Variants in CELF2 observed in about 807,000 individuals in gnomAD.
CELF2 encodes the protein CUG triplet repeat RNA-binding protein 2.
In CELF2, 8 loss-of-function variants were observed where a neutral mutation model predicts 62.6. That is an observed-to-expected ratio of 0.13 (90% CI 0.07 to 0.23). CELF2 has a LOEUF of 0.23. CELF2 is among the 10% of genes least tolerant of loss of function. The probability of loss-of-function intolerance (pLI) is 1.00; values close to 1 mark genes in which losing one functional copy is unlikely to be tolerated. For missense variants in CELF2, 333 were observed against 671.0 expected (o/e 0.50, Z 5.56); for synonymous variants, 258 against 250.0 (o/e 1.03, Z -0.30).
rs73579351 is a variant in CELF2, at chr10:11,228,471, T to C, written c.354+10964T>C. Reference sequence around the variant, plus strand: ...CTTTAATGATACATCAGTGAGTATCTTTTATGGGTAATAATCTACCTATTT... The same window carrying C: ...CTTTAATGATACATCAGTGAGTATCCTTTATGGGTAATAATCTACCTATTT... On this transcript the variant is annotated intron_variant, in intron 3 of 12. Transcript: ENST00000633077. Among the ~76,000 whole-genome samples the C allele has an allele frequency of 3.9e-3, 594 of 152,332 alleles. 7 individuals carry two copies. Among genetic ancestry groups the C allele is most frequent in the African/African-American group, 0.014 (571 of 41,574 alleles).
the CELF2 span, among the ~76,000 whole-genome samples, chr10:10,602,268 G>T: frequency 6.6e-6 from 1 of 152,020 alleles, no homozygotes; most frequent in Non-Finnish European, 1.5e-5. Flanking sequence ...ACTGAGATAG[G>T]CTGTGTACCT....
rs2088007940 is a variant in CELF2, at chr10:11,280,491, G to C, written c.841+5371G>C. Among the ~76,000 whole-genome samples, 1 of 152,216 alleles carries C rather than the reference G, an allele frequency of 6.6e-6. No individual in the cohort carries two copies. The highest frequency in any genetic ancestry group is 1.5e-5 in the Non-Finnish European group (1 of 68,038). Reference sequence around the variant, plus strand: ...CCACGTTCCGGGTGATGGCGCTGTGGCTGTGGATCCATCTGTGGTGGGAGG... The same window carrying C: ...CCACGTTCCGGGTGATGGCGCTGTGCCTGTGGATCCATCTGTGGTGGGAGG... On this transcript the variant is annotated intron_variant, in intron 8 of 12. Coordinates refer to ENST00000633077, the MANE Select transcript of CELF2 (RefSeq NM_001326342.2). This position sits in a 1 kb window ranked among gnomAD's most constrained non-coding sequence, Gnocchi z 7.6.
At chr10:10,755,669 CAT>C in the CELF2 span, among the ~76,000 whole-genome samples, 1 of 152,214 alleles carries the variant, frequency 6.6e-6, no homozygotes, top group South Asian at 2.1e-4. Context: ...AAAAGACCCT[CAT>C]GTGATGGCCA....
chr10:10,968,090 G>C (rs1026107158), intron 2 of CELF2, among the ~76,000 whole-genome samples: 4 of 152,122 alleles, frequency 2.6e-5, no homozygotes, highest in Non-Finnish European at 5.9e-5. Context: ...GAACTGTCTA[G>C]TCCTCACTTT....
intron 1 of CELF2, among the ~76,000 whole-genome samples, chr10:11,064,643 C>A (rs921670732): frequency 6.6e-6 from 1 of 152,076 alleles, no homozygotes; most frequent in Non-Finnish European, 1.5e-5. Context: ...ATGTCTCAAT[C>A]CCCTTTTGCT....
chr10:10,967,635 T>C (rs1330758265), intron 2 of CELF2, among the ~76,000 whole-genome samples: 1 of 152,138 alleles, frequency 6.6e-6, no homozygotes, highest in African/African-American at 2.4e-5. Context: ...CTAAGAAACA[T>C]ACAGCAAGGC....
Position 11,209,739 on chromosome 10 carries a change from C to T in CELF2, c.272-7686C>T, listed in dbSNP as rs763106366. Among the ~76,000 whole-genome samples the T allele has an allele frequency of 2.0e-5, 3 of 150,976 alleles. No individual in the cohort carries two copies. The East Asian group carries it at 5.8e-4, about 29-fold the overall frequency. ...TTGAAACCGTAGTGCATGGCAGATT[C>T]GCTTGAGCACAAAATGCCCCACTTA... is the stretch of plus-strand genomic sequence containing the variant. On this transcript the variant is annotated intron_variant, in intron 2 of 12. Coordinates refer to ENST00000633077, the MANE Select transcript of CELF2 (RefSeq NM_001326342.2).
intron 1 of CELF2, among the ~76,000 whole-genome samples, chr10:10,886,516 C>A (rs142592707): frequency 1.3e-5 from 2 of 152,152 alleles, no homozygotes; most frequent in Non-Finnish European, 2.9e-5. Flanking sequence ...GACAACTGAA[C>A]GAGAGCCTGA....
chr10:10,721,083 CT>C, the CELF2 span, among the ~76,000 whole-genome samples: 1 of 152,248 alleles, frequency 6.6e-6, no homozygotes, highest in African/African-American at 2.4e-5. Flanking sequence ...ATTGCAACTT[CT>C]GCTCAGAGAC....
intron 1 of CELF2, among the ~76,000 whole-genome samples, chr10:10,888,647 T>C (rs2061928739): frequency 6.6e-6 from 1 of 152,216 alleles, no homozygotes; most frequent in South Asian, 2.1e-4. Context: ...AAAGTCTGCA[T>C]GCCCCAGGCT....
chr10:10,769,623 G>A, the CELF2 span, among the ~76,000 whole-genome samples: 1 of 152,018 alleles, frequency 6.6e-6, no homozygotes, highest in Non-Finnish European at 1.5e-5. Flanking sequence ...AATTAGCTGG[G>A]CATGGTGGTG....
the CELF2 span, among the ~76,000 whole-genome samples, chr10:10,552,026 G>C: frequency 1.3e-5 from 2 of 152,056 alleles, no homozygotes. Context: ...CCAGAGAGGA[G>C]CACGTGGAAC....
chr10:10,497,057 G>A, the CELF2 span, among the ~76,000 whole-genome samples: 1 of 152,022 alleles, frequency 6.6e-6, no homozygotes, highest in African/African-American at 2.4e-5. Flanking sequence ...TGGGCAAGGT[G>A]GCACATGCCT....
intron 1 of CELF2, among the ~76,000 whole-genome samples, chr10:10,803,014 C>G (rs1379581341): frequency 6.6e-6 from 1 of 152,180 alleles, no homozygotes; most frequent in East Asian, 1.9e-4. Flanking sequence ...CCTAATCCCC[C>G]ATTTTCCGTC....
the CELF2 span, among the ~76,000 whole-genome samples, chr10:10,631,244 G>A: frequency 6.6e-6 from 1 of 152,180 alleles, no homozygotes; most frequent in Non-Finnish European, 1.5e-5. Context: ...AACTCACGGT[G>A]AGTCTGAACA....
chr10:11,008,151 T>C lies in CELF2; in HGVS notation c.53+2711T>C, dbSNP rs955440166. Among the ~76,000 whole-genome samples, 5 of 152,222 alleles carry C rather than the reference T, an allele frequency of 3.3e-5. No individual in the cohort carries two copies. The highest frequency in any genetic ancestry group is 6.5e-5 in the Admixed American group (1 of 15,286). On this transcript the variant is annotated intron_variant, in intron 1 of 12. Coordinates refer to the CELF2 transcript ENST00000416382. The surrounding 1 kb of genome is among the most constrained non-coding windows in gnomAD (Gnocchi z 4.5). Reference sequence around the variant, plus strand: ...ATCTGTATCCTTCCATAAGCCTCTATATGTAATGATTCCTCAAGGTAGTGA... The same window carrying C: ...ATCTGTATCCTTCCATAAGCCTCTACATGTAATGATTCCTCAAGGTAGTGA...
rs559278612 is a variant in CELF2, at chr10:10,815,686, A to C, written c.53+16869A>C. ...AAGCTATATTAAGCTTTAATTCTCT[A>C]GTTAATTTTTTTTTGGTAGCCATGA... On this transcript the variant is annotated intron_variant, in intron 1 of 13. Coordinates refer to the CELF2 transcript ENST00000636488. Among the ~76,000 whole-genome samples, 3 of 152,296 alleles carry C rather than the reference A, an allele frequency of 2.0e-5. No homozygotes were observed. The South Asian group carries it at 6.2e-4, about 32-fold the overall frequency.
chr10:10,668,950 C>T, the CELF2 span, among the ~76,000 whole-genome samples: 4,644 of 150,872 alleles, frequency 0.031, 181 homozygotes, highest in African/African-American at 0.091. Context: ...AGAGTGAGAC[C>T]CTGACAAAAA....
chr10:11,191,312 C>T lies in CELF2; in HGVS notation c.271+25630C>T, dbSNP rs1377746421. The stretch of plus-strand genomic sequence containing the variant: ...AGTGGGAGTGTGGGAAGGGGCCATG[C>T]TCTGTTGATCTCAGCCAGTTGAAGC... On this transcript the variant is annotated intron_variant, in intron 2 of 12. Transcript: ENST00000633077. The surrounding 1 kb of genome is among the most constrained non-coding windows in gnomAD (Gnocchi z 4.1). Among the ~76,000 whole-genome samples, 2 of 152,170 alleles carry T rather than the reference C, an allele frequency of 1.3e-5. No individual in the cohort carries two copies. Among genetic ancestry groups the T allele is most frequent in the Admixed American group, 6.5e-5 (1 of 15,280 alleles).
Sources: gnomAD v4.1 joint callset for allele counts (sites outside exome capture counted in the v4.1 genomes callset) on GRCh38, gnomAD v4.1.1 for gene constraint, Gnocchi (gnomAD v3.1) non-coding constraint, MANE v1.5 for transcripts, NCBI Gene and HGNC (gene_info 2026-07-23, HGNC 2026-07-21) for gene names.